TTBK2: variants seen among roughly 807,000 people sequenced by gnomAD.
The protein encoded by TTBK2 is tau-tubulin kinase 2.
TTBK2 carries 28 observed loss-of-function variants against 110.8 expected under a neutral mutation model. That is an observed-to-expected ratio of 0.25 (90% CI 0.19 to 0.35). The LOEUF (loss-of-function observed/expected upper bound fraction) is 0.35, where lower values mean the gene tolerates loss of function less well. TTBK2 is among the 10% of genes least tolerant of loss of function. The probability of loss-of-function intolerance (pLI) is 1.00; values close to 1 mark genes in which losing one functional copy is unlikely to be tolerated. For synonymous variants in TTBK2, 532 were observed against 527.3 expected, an observed-to-expected ratio of 1.01 and a Z score of -0.12; for missense variants, 1,369 against 1,500.3, an observed-to-expected ratio of 0.91 and a Z score of 1.45.
Position 42,775,357 on chromosome 15 carries a change from TG to T in TTBK2, c.1775del (p.Ser592TyrfsTer9). 1 of 1,614,218 alleles carries T rather than the reference TG, an allele frequency of 6.2e-7. No individual in the cohort carries two copies. Among genetic ancestry groups the T allele is most frequent in the Non-Finnish European group, 8.5e-7 (1 of 1,180,042 alleles). ...CTAACTGGAGCTTTTCATCTTGAGG[TG>T]ATGCCTCCAGGACTTGAAGTACTTC... ...EPEVLQVLEASPQDEKLQLGP... is the reference protein window; with the variant it reads ...EPEVLQVLEAXPQDEKLQLGP... On this transcript the variant is annotated frameshift_variant, in exon 13 of 15. Coordinates refer to ENST00000267890, the MANE Select transcript of TTBK2 (RefSeq NM_173500.4). LOFTEE classifies it high-confidence loss of function.
intron 3 of TTBK2, among the ~76,000 whole-genome samples, chr15:42,855,950 A>G (rs549350402): frequency 7.9e-4 from 120 of 152,268 alleles, no homozygotes; most frequent in East Asian, 3.1e-3. Context: ...CCAAAGTGCT[A>G]GGATTACAGG....
rs1293896194 is a variant in TTBK2, at chr15:42,742,423, AC to A, written c.*3371del. 6.6e-6 allele frequency: 1 copy of A among 152,208 alleles called. No individual in the cohort carries two copies. The highest frequency in any genetic ancestry group is 1.5e-5 in the Non-Finnish European group (1 of 68,032). The allele number at this position is 152,208 out of a possible 1,614,324, so 9.4% of individuals were successfully genotyped here. Reference sequence around the variant, plus strand: ...GTGTTTTAAGGTTAAATTTTATATGACCCAGTTTTCCTTCTTTGTTCACTAT... The same window carrying A: ...GTGTTTTAAGGTTAAATTTTATATGACCAGTTTTCCTTCTTTGTTCACTAT... On this transcript the variant is annotated 3_prime_UTR_variant, in exon 15 of 15. Coordinates refer to ENST00000267890, the MANE Select transcript of TTBK2 (RefSeq NM_173500.4).
chr15:42,801,622 C>T lies in TTBK2; in HGVS notation c.823-6821G>A, dbSNP rs751925747. 9 of 811,932 alleles carry T rather than the reference C, an allele frequency of 1.1e-5. No individual in the cohort carries two copies. In the South Asian group the frequency reaches 1.2e-4, roughly 11 times the overall value. 50.3% of individuals were successfully genotyped at this position (811,932 alleles called of 1,614,324 possible). On this transcript the variant is annotated intron_variant, in intron 9 of 14. Coordinates refer to ENST00000267890, the MANE Select transcript of TTBK2 (RefSeq NM_173500.4). Reference sequence around the variant, plus strand: ...GGTTGGCAATCTCCTCGTACTGCACCTTGACCTCAGGGATGATGCTGTCCA... The same window carrying T: ...GGTTGGCAATCTCCTCGTACTGCACTTTGACCTCAGGGATGATGCTGTCCA...
At chr15:42,904,848 CA>C (rs1167391355) in intron 1 of TTBK2, among the ~76,000 whole-genome samples, 1 of 151,736 alleles carries the variant, frequency 6.6e-6, no homozygotes, top group Admixed American at 6.6e-5. Context: ...TTAAAGGGCT[CA>C]AAATGAGACA....
chr15:42,846,798 C>G lies in TTBK2; in HGVS notation c.218-6365G>C, dbSNP rs116385302. Among the ~76,000 whole-genome samples, 1,363 of 152,180 alleles carry G rather than the reference C, an allele frequency of 9.0e-3. 15 individuals carry two copies. The highest frequency in any genetic ancestry group is 0.031 in the African/African-American group (1,295 of 41,496). Reference sequence around the variant, plus strand: ...AGAGGATTGGAACTTTCAGCCTCACCCACCAACCTCCAGGAAAGGTGAGTG... The same window carrying G: ...AGAGGATTGGAACTTTCAGCCTCACGCACCAACCTCCAGGAAAGGTGAGTG... On this transcript the variant is annotated intron_variant, in intron 3 of 14. Transcript: ENST00000267890.
chr15:42,790,993 C>T (rs566668412), intron 10 of TTBK2, among the ~76,000 whole-genome samples: 32 of 152,204 alleles, frequency 2.1e-4, no homozygotes, highest in Non-Finnish European at 3.1e-4. Context: ...ACGCCATTCT[C>T]CCGCCTCAGC....
chr15:42,752,703 G>C lies in TTBK2; in HGVS notation c.2543C>G (p.Thr848Arg). 6.2e-7 allele frequency: 1 copy of C among 1,614,108 alleles called. No homozygotes were observed. The highest frequency in any genetic ancestry group is 8.5e-7 in the Non-Finnish European group (1 of 1,180,028). Reference protein sequence around the residue: ...DKNNEIMKLLTVGTSEISSRD... With the variant: ...DKNNEIMKLLRVGTSEISSRD... ...GGAAGAAATTTCTGAAGTTCCAACT[G>C]TCAGAAGCTTCATTATCTCATTATT... Residue 848 changes from threonine (T) to arginine (R), a missense_variant, in exon 14 of 15, where the codon ACA becomes AGA. Thr to Arg is a moderately conservative substitution (Grantham distance 71, BLOSUM62 -1). Coordinates refer to ENST00000267890, the MANE Select transcript of TTBK2 (RefSeq NM_173500.4).
At chr15:42,827,710 C>A (rs1892589574) in intron 6 of TTBK2, among the ~76,000 whole-genome samples, 1 of 152,120 alleles carries the variant, frequency 6.6e-6, no homozygotes, top group African/African-American at 2.4e-5. Flanking sequence ...TGTGTTCTTA[C>A]TATAAGACCA....
At chr15:42,915,080 T>C (rs973005110) in intron 1 of TTBK2, among the ~76,000 whole-genome samples, 3 of 152,176 alleles carry the variant, frequency 2.0e-5, no homozygotes, top group African/African-American at 7.2e-5. Flanking sequence ...GTAATCCCCC[T>C]TATCCATGGT....
chr15:42,906,089 G>A (rs1360820246), intron 1 of TTBK2, among the ~76,000 whole-genome samples: 1 of 152,160 alleles, frequency 6.6e-6, no homozygotes, highest in Admixed American at 6.5e-5. Context: ...TCGGGAGGCT[G>A]AGGCAGGAGA....
At chr15:42,758,369 T>C (rs1161728390) in intron 13 of TTBK2, among the ~76,000 whole-genome samples, 1 of 151,988 alleles carries the variant, frequency 6.6e-6, no homozygotes, top group Non-Finnish European at 1.5e-5. Context: ...ATGTTGAAAA[T>C]TATAGGCTGG....
chr15:42,794,900 T>C (rs1890866869), intron 9 of TTBK2, 99 bp from the exon 10 acceptor site: 1 of 1,514,130 alleles, frequency 6.6e-7, no homozygotes, highest in South Asian at 1.2e-5. Flanking sequence ...GATTTTGTAA[T>C]GTGATTTTCT....
intron 10 of TTBK2, among the ~76,000 whole-genome samples, chr15:42,787,332 A>G (rs1890455214): frequency 6.6e-6 from 1 of 152,188 alleles, no homozygotes; most frequent in Non-Finnish European, 1.5e-5. Context: ...TTCTCCCTCT[A>G]CGAAGAAATT....
chr15:42,898,450 T>C (rs1243703731), intron 1 of TTBK2, among the ~76,000 whole-genome samples: 2 of 151,332 alleles, frequency 1.3e-5, no homozygotes, highest in African/African-American at 2.4e-5. Flanking sequence ...GAGGCAGAGG[T>C]TGCAGAGAGC....
In TTBK2 at chr15:42,878,611, C is replaced by T. The variant is rs150725913; in HGVS notation, c.7G>A (p.Gly3Arg). Reference sequence around the variant, plus strand: ...AGGATATCCAGCTGCTCTCCTCCCCCACTCATTGCAATACACTGATATGGT... The same window carrying T: ...AGGATATCCAGCTGCTCTCCTCCCCTACTCATTGCAATACACTGATATGGT... MS[G>R]GGEQLDILSV... is the part of the protein sequence containing the mutation. Residue 3 changes from glycine (G) to arginine (R), a missense_variant, in exon 2 of 15, where the codon GGG becomes AGG. This residue lies in a region of TTBK2 where 122 missense variants were observed against 159.7 expected (regional missense o/e 0.76). Transcript: ENST00000267890. 25 of 1,613,952 alleles carry T rather than the reference C, an allele frequency of 1.5e-5. No homozygotes were observed. The Admixed American group carries it at 4.0e-4, about 26-fold the overall frequency.
At chr15:42,848,571 A>T (rs1893564934) in intron 3 of TTBK2, among the ~76,000 whole-genome samples, 1 of 151,422 alleles carries the variant, frequency 6.6e-6, no homozygotes, top group South Asian at 2.1e-4. Context: ...GCTCACTGCA[A>T]CCTCCACCTC....
At chr15:42,795,115 T>C (rs936822677) in intron 9 of TTBK2, among the ~76,000 whole-genome samples, 1 of 152,228 alleles carries the variant, frequency 6.6e-6, no homozygotes, top group East Asian at 1.9e-4. Flanking sequence ...GTGCATTCAA[T>C]TGAACCATCT....
At chr15:42,838,438 C>T (rs1172406221) in intron 4 of TTBK2, among the ~76,000 whole-genome samples, 1 of 151,846 alleles carries the variant, frequency 6.6e-6, no homozygotes, top group Non-Finnish European at 1.5e-5. Context: ...TTTCCCTCTT[C>T]TCCCCACTAT....
chr15:42,903,211 G>T (rs1027458524), intron 1 of TTBK2, among the ~76,000 whole-genome samples: 5 of 152,036 alleles, frequency 3.3e-5, no homozygotes, highest in African/African-American at 1.2e-4. Context: ...CTTATAATAG[G>T]TATCTAGAGT....
Sources: gnomAD v4.1 joint callset for allele counts (sites outside exome capture counted in the v4.1 genomes callset) on GRCh38, gnomAD v4.1.1 for gene constraint, gnomAD v4.1.1 regional missense constraint, MANE v1.5 for transcripts, NCBI Gene and HGNC (gene_info 2026-07-23, HGNC 2026-07-21) for gene names.